The following ARHGAP12 variants were observed in gnomAD, a reference collection of about 807,000 sequenced individuals.
The protein encoded by ARHGAP12 is Rho GTPase activating protein 12, also known as rho GTPase-activating protein 12.
A neutral mutation model predicts 108.6 loss-of-function variants in ARHGAP12; 64 were observed. The observed-to-expected ratio is 0.59, with a 90% CI of 0.48 to 0.73. ARHGAP12 has a LOEUF of 0.73. ARHGAP12 is among the 30% of genes least tolerant of loss of function. ARHGAP12 has a pLI of 0.00. For missense variants in ARHGAP12, 940 were observed against 1,005.9 expected (o/e 0.93, Z 0.89); for synonymous variants, 312 against 337.2 (o/e 0.93, Z 0.82).
At chr10:31,849,728 A>G (rs907475482) in intron 6 of ARHGAP12, among the ~76,000 whole-genome samples, 26 of 152,216 alleles carry the variant, frequency 1.7e-4, no homozygotes, top group Non-Finnish European at 3.2e-4. Context: ...CTTTATGCTA[A>G]GCAGCAAATG....
At chr10:31,927,427 C>T (rs1840096716) in intron 1 of ARHGAP12, among the ~76,000 whole-genome samples, 1 of 152,172 alleles carries the variant, frequency 6.6e-6, no homozygotes, top group Non-Finnish European at 1.5e-5. Flanking sequence ...TCCATTGAAA[C>T]ACCCGGAGTC....
rs1182689916 is a variant in ARHGAP12, at chr10:31,843,498, C to T, written c.1259G>A (p.Trp420Ter). Residue 420 changes from tryptophan (W) to a stop codon, truncating the protein, a stop_gained, in exon 7 of 20, where the codon TGG becomes TAG. Coordinates refer to ENST00000344936, the MANE Select transcript of ARHGAP12 (RefSeq NM_018287.7). LOFTEE classifies it high-confidence loss of function. ...RLQEPIVLTKWRHSTIVLDTN... is the reference protein window; with the variant it reads ...RLQEPIVLTK ...GTCCAATACAATGGTGCTATGTCTC[C>T]ACTTTGTTAATACTATTGGTTCTTG... 1 of 1,613,044 alleles carries T rather than the reference C, an allele frequency of 6.2e-7. No individual in the cohort carries two copies. The highest frequency in any genetic ancestry group is 8.5e-7 in the Non-Finnish European group (1 of 1,179,550).
chr10:31,854,997 G>A (rs1836831235), intron 4 of ARHGAP12, among the ~76,000 whole-genome samples: 4 of 133,124 alleles, frequency 3.0e-5, no homozygotes, highest in South Asian at 5.8e-4. Context: ...GGAGGAGGAG[G>A]AGGAGGAGGA....
intron 11 of ARHGAP12, among the ~76,000 whole-genome samples, chr10:31,825,129 G>T (rs76143800): frequency 6.6e-6 from 1 of 152,078 alleles, no homozygotes; most frequent in Non-Finnish European, 1.5e-5. Flanking sequence ...CAGAAGAAAC[G>T]ATCTAGAATG....
chr10:31,811,200 A>C (rs2778652), intron 15 of ARHGAP12, among the ~76,000 whole-genome samples: 106,834 of 152,086 alleles, frequency 0.7, 37,720 homozygotes, highest in East Asian at 0.86. Flanking sequence ...TTCATGAGGG[A>C]GAGGACCAAG....
chr10:31,829,062 G>A (rs1048721742), intron 10 of ARHGAP12, among the ~76,000 whole-genome samples: 9 of 152,158 alleles, frequency 5.9e-5, no homozygotes, highest in African/African-American at 2.2e-4. Flanking sequence ...TGAGGCAGGA[G>A]AATTGCTTGA....
intron 11 of ARHGAP12, among the ~76,000 whole-genome samples, chr10:31,825,530 C>A (rs1050997970): frequency 2.2e-4 from 34 of 152,098 alleles, no homozygotes; most frequent in Non-Finnish European, 5.9e-5. Flanking sequence ...CCCAGACCTG[C>A]CACTTGGTAG....
At chr10:31,925,448 T>G (rs1839994773) in intron 1 of ARHGAP12, among the ~76,000 whole-genome samples, 1 of 152,224 alleles carries the variant, frequency 6.6e-6, no homozygotes, top group Admixed American at 6.5e-5. Context: ...TATTAACAAC[T>G]TATGTTAGTA....
intron 1 of ARHGAP12, among the ~76,000 whole-genome samples, chr10:31,918,315 TCACACACACACACACACA>T (rs58245483): frequency 4.3e-5 from 6 of 139,968 alleles, no homozygotes; most frequent in Non-Finnish European, 7.7e-5. Flanking sequence ...ATTAGGGAAA[TCACACACACACACACACA>T]CACACACACA....
Position 31,861,571 on chromosome 10 carries a change from G to T in ARHGAP12, c.772C>A (p.Pro258Thr). ...TGAATTGCCGGGCTCCCAGGAAGTG[G>T]GGGAAGAGCAGACTGGGATATTTTC... ...ELKISQSALP[P>T]LPGSPAIQIN... The change falls in exon 4 of 20, where the codon CCA becomes ACA. Residue 258 changes from proline (P) to threonine (T), a missense_variant. Coordinates refer to ENST00000344936, the MANE Select transcript of ARHGAP12 (RefSeq NM_018287.7). 1 of 1,614,146 alleles carries T rather than the reference G, an allele frequency of 6.2e-7. No homozygotes were observed. Among genetic ancestry groups the T allele is most frequent in the Non-Finnish European group, 8.5e-7 (1 of 1,180,030 alleles).
At chr10:31,896,270 G>A (rs1838688834) in intron 3 of ARHGAP12, among the ~76,000 whole-genome samples, 1 of 146,064 alleles carries the variant, frequency 6.8e-6, no homozygotes, top group South Asian at 2.1e-4. Context: ...ATAAAATAAT[G>A]GATGTGATCC....
chr10:31,905,150 A>G (rs1839077119), intron 3 of ARHGAP12, among the ~76,000 whole-genome samples: 1 of 152,184 alleles, frequency 6.6e-6, no homozygotes, highest in African/African-American at 2.4e-5. Context: ...AAAATTAGTA[A>G]TATTTACACC....
intron 3 of ARHGAP12, among the ~76,000 whole-genome samples, chr10:31,886,413 C>T (rs1838191674): frequency 6.6e-6 from 1 of 152,038 alleles, no homozygotes; most frequent in Non-Finnish European, 1.5e-5. Flanking sequence ...ACTTCTGATA[C>T]CCAAGCCAAA....
intron 3 of ARHGAP12, among the ~76,000 whole-genome samples, chr10:31,887,044 G>T (rs190289389): frequency 4.1e-4 from 63 of 152,348 alleles, no homozygotes; most frequent in African/African-American, 1.4e-3. Context: ...GGATGTGTGT[G>T]TATACATACA....
intron 10 of ARHGAP12, among the ~76,000 whole-genome samples, chr10:31,828,912 G>A (rs1444293674): frequency 6.6e-6 from 1 of 152,206 alleles, no homozygotes. Flanking sequence ...AGCACTTTGG[G>A]AGGCCAAGAC....
At chr10:31,826,273 T>C in intron 11 of ARHGAP12, 31 bp downstream of exon 11, 14 of 1,544,470 alleles carry the variant, frequency 9.1e-6, no homozygotes, top group Non-Finnish European at 1.2e-5. Flanking sequence ...AATTTAAATG[T>C]ATAAAATCTC....
chr10:31,898,757 C>T (rs1055250933), intron 3 of ARHGAP12, among the ~76,000 whole-genome samples: 7 of 152,212 alleles, frequency 4.6e-5, no homozygotes, highest in East Asian at 3.9e-4. Context: ...CTAGGAGCAA[C>T]GGGCTACACC....
chr10:31,834,969 C>A (rs574285108), intron 9 of ARHGAP12, among the ~76,000 whole-genome samples: 1 of 151,952 alleles, frequency 6.6e-6, no homozygotes, highest in African/African-American at 2.4e-5. Context: ...GGGAGGCCAA[C>A]ACAGGTGGAT....
intron 3 of ARHGAP12, among the ~76,000 whole-genome samples, chr10:31,889,619 GTT>G (rs869116452): frequency 4.3e-3 from 283 of 66,384 alleles, no homozygotes; most frequent in African/African-American, 0.016. Context: ...AATTTTTCTC[GTT>G]TTTTTTTTTT....
Sources: allele counts gnomAD v4.1 joint callset (sites outside exome capture counted in the v4.1 genomes callset), GRCh38; gene constraint gnomAD v4.1.1; transcripts MANE v1.5; gene names NCBI Gene and HGNC (gene_info 2026-07-23, HGNC 2026-07-21).